Variants in KCNIP4 observed in about 807,000 individuals in gnomAD.
The protein encoded by KCNIP4 is Kv channel-interacting protein 4.
In KCNIP4, 12 loss-of-function variants were observed where a neutral mutation model predicts 34.0. The ratio of observed to expected loss-of-function variants is 0.35; its 90% CI spans 0.23 to 0.57. KCNIP4 has a LOEUF of 0.57. Ranked by LOEUF, KCNIP4 falls within the 20% of genes least tolerant of loss-of-function variation. The probability of loss-of-function intolerance (pLI) is 0.83; values close to 1 mark genes in which losing one functional copy is unlikely to be tolerated. For synonymous variants in KCNIP4, 124 were observed against 102.2 expected (o/e 1.21, Z -1.29); for missense variants, 238 against 311.7 (o/e 0.76, Z 1.78).
intron 1 of KCNIP4, among the ~76,000 whole-genome samples, chr4:21,770,756 G>T (rs1718726238): frequency 6.6e-6 from 1 of 152,160 alleles, no homozygotes; most frequent in Non-Finnish European, 1.5e-5. Context: ...TTTGAGAAGT[G>T]TCTGTTCATA....
chr4:21,844,893 T>C (rs980147791), intron 1 of KCNIP4: 1 of 151,336 alleles, frequency 6.6e-6, no homozygotes, highest in African/African-American at 2.4e-5. Context: ...ATTTTTCCAT[T>C]GAGAAAACCA....
rs547133584 is a variant in KCNIP4, at chr4:21,784,133, C to A, written c.61+164438G>T. Among the ~76,000 whole-genome samples the A allele has an allele frequency of 6.8e-5, 6 of 88,836 alleles. No homozygotes were observed. The Admixed American group carries it at 7.7e-4, about 11-fold the overall frequency. 58.3% of individuals were successfully genotyped at this position (88,836 alleles called of 152,430 possible). On this transcript the variant is annotated intron_variant, in intron 1 of 8. Transcript: ENST00000382152. ...AGAAGCAGGCACCTTCTTCACAAGG[C>A]GGTGGGGGGTGGGGTCGAAGTGCCA...
chr4:21,034,741 C>A (rs768028880), intron 1 of KCNIP4, among the ~76,000 whole-genome samples: 1 of 152,128 alleles, frequency 6.6e-6, no homozygotes, highest in Admixed American at 6.5e-5. Context: ...AAAAGAGTTA[C>A]TGAATTAATT....
Position 21,892,655 on chromosome 4 carries a change from C to CT in KCNIP4, c.61+55915dup, listed in dbSNP as rs531344620. On this transcript the variant is annotated intron_variant, in intron 1 of 8. Transcript: ENST00000382152. ...AGGTGATCACTTAACCTCTATAAGT[C>CT]TTAATTAAGTTGTCTATAAAATAGA... is the stretch of plus-strand genomic sequence containing the variant. Among the ~76,000 whole-genome samples the CT allele has an allele frequency of 5.7e-3, 861 of 150,762 alleles. 7 individuals carry two copies. Among genetic ancestry groups the CT allele is most frequent in the African/African-American group, 0.02 (806 of 41,062 alleles).
intron 1 of KCNIP4, among the ~76,000 whole-genome samples, chr4:21,049,541 T>C (rs1742749675): frequency 6.6e-6 from 1 of 152,214 alleles, no homozygotes; most frequent in Non-Finnish European, 1.5e-5. Flanking sequence ...TATTTTTTCG[T>C]ATCAATGTAC....
chr4:21,710,209 G>A (rs995769503), intron 1 of KCNIP4, among the ~76,000 whole-genome samples: 3 of 152,112 alleles, frequency 2.0e-5, no homozygotes, highest in African/African-American at 7.2e-5. Flanking sequence ...GCAAAGCTTG[G>A]CTCAGAAATC....
chr4:21,041,585 A>G (rs2149779969), intron 1 of KCNIP4, among the ~76,000 whole-genome samples: 1 of 152,360 alleles, frequency 6.6e-6, no homozygotes, highest in South Asian at 2.1e-4. Context: ...GAAAGACACA[A>G]ATAAAATTTC....
chr4:21,391,424 A>G (rs936035291), intron 1 of KCNIP4, among the ~76,000 whole-genome samples: 1 of 152,162 alleles, frequency 6.6e-6, no homozygotes, highest in African/African-American at 2.4e-5. Flanking sequence ...TTTTGATGCT[A>G]GGTGGCCACC....
At chr4:20,848,424 A>T (rs1387993017) in intron 3 of KCNIP4, among the ~76,000 whole-genome samples, 1 of 151,896 alleles carries the variant, frequency 6.6e-6, no homozygotes, top group Non-Finnish European at 1.5e-5. Flanking sequence ...AAAAGGGGAA[A>T]GAAAAGAGTT....
At chr4:20,830,119 C>A (rs1164324229) in intron 3 of KCNIP4, among the ~76,000 whole-genome samples, 1 of 152,162 alleles carries the variant, frequency 6.6e-6, no homozygotes. Context: ...TGAATAGGAA[C>A]TGAGATACAT....
At chr4:21,625,686 GT>G (rs1745273021) in intron 1 of KCNIP4, among the ~76,000 whole-genome samples, 1 of 152,146 alleles carries the variant, frequency 6.6e-6, no homozygotes, top group Non-Finnish European at 1.5e-5. Flanking sequence ...TAAGAGAGAA[GT>G]ACTTTTGACA....
At chr4:21,787,924 T>C (rs1720016232) in intron 1 of KCNIP4, among the ~76,000 whole-genome samples, 2 of 151,718 alleles carry the variant, frequency 1.3e-5, no homozygotes. Flanking sequence ...AAATGTGCCA[T>C]GGGAAAATTC....
At chr4:21,106,648 T>A (rs1183367841) in intron 1 of KCNIP4, among the ~76,000 whole-genome samples, 1 of 151,598 alleles carries the variant, frequency 6.6e-6, no homozygotes, top group East Asian at 1.9e-4. Context: ...AGCGTTTGAA[T>A]GTGTTTGCTC....
At chr4:21,304,114 G>T in intron 1 of KCNIP4, 1 of 480,350 alleles carries the variant, frequency 2.1e-6, no homozygotes, top group African/African-American at 3.7e-5. Flanking sequence ...AGAGACAGAG[G>T]AGAGAGAGGG....
intron 1 of KCNIP4, among the ~76,000 whole-genome samples, chr4:21,373,722 T>G (rs1304205103): frequency 1.4e-5 from 2 of 147,380 alleles, no homozygotes; most frequent in East Asian, 4.0e-4. Flanking sequence ...TTATTTATTT[T>G]GTGATGGAGT....
intron 1 of KCNIP4, among the ~76,000 whole-genome samples, chr4:21,839,432 G>T (rs1400814361): frequency 1.3e-5 from 2 of 152,076 alleles, no homozygotes; most frequent in Non-Finnish European, 2.9e-5. Flanking sequence ...ATATATGTCA[G>T]GTGACACACT....
chr4:21,101,596 A>G (rs1387901151), intron 1 of KCNIP4, among the ~76,000 whole-genome samples: 1 of 152,134 alleles, frequency 6.6e-6, no homozygotes, highest in African/African-American at 2.4e-5. Context: ...ATAGTGGTGG[A>G]GAGTGTCAAT....
intron 1 of KCNIP4, among the ~76,000 whole-genome samples, chr4:21,931,946 C>T (rs1279656004): frequency 1.3e-5 from 2 of 152,016 alleles, no homozygotes; most frequent in Non-Finnish European, 2.9e-5. Context: ...TCTTTAGATG[C>T]CTGTAGGACC....
chr4:21,575,886 C>T (rs1030306246), intron 1 of KCNIP4, among the ~76,000 whole-genome samples: 1 of 152,130 alleles, frequency 6.6e-6, no homozygotes, highest in South Asian at 2.1e-4. Flanking sequence ...TCTGCCAATG[C>T]AGACAACCCT....
Sources: gnomAD v4.1 joint callset for allele counts (sites outside exome capture counted in the v4.1 genomes callset) on GRCh38, gnomAD v4.1.1 for gene constraint, MANE v1.5 for transcripts, NCBI Gene and HGNC (gene_info 2026-07-23, HGNC 2026-07-21) for gene names.